ATG16L2: variants seen among roughly 807,000 people sequenced by gnomAD.
ATG16L2 encodes the protein autophagy related 16 like 2, also known as protein Atg16l2.
ATG16L2 carries 77 observed loss-of-function variants against 84.7 expected under a neutral mutation model. The observed-to-expected ratio is 0.91, with a 90% CI of 0.76 to 1.10. ATG16L2 has a LOEUF of 1.10. Among genes scored for constraint, ATG16L2 ranks in the 50% least tolerant of loss-of-function variants. The pLI, the probability that ATG16L2 is intolerant of heterozygous loss-of-function variation, is 0.00. For missense variants in ATG16L2, 782 were observed against 817.6 expected (o/e 0.96, Z 0.53); for synonymous variants, 361 against 342.8 (o/e 1.05, Z -0.59).
intron 3 of ATG16L2, 29 bp from the exon 4 acceptor site, chr11:72,821,639 C>G: frequency 6.6e-7 from 1 of 1,524,082 alleles, no homozygotes; most frequent in Non-Finnish European, 8.8e-7. Flanking sequence ...GGGGCCTCAG[C>G]GCCGCCGTGC....
At chr11:72,840,870 G>A in intron 5 of ATG16L2, 1 of 1,585,988 alleles carries the variant, frequency 6.3e-7, no homozygotes, top group South Asian at 1.1e-5. Flanking sequence ...CAAGATCAGA[G>A]ACTTACAGGT....
Position 72,824,747 on chromosome 11 carries a change from A to G in ATG16L2, c.901A>G (p.Arg301Gly). 1 of 1,613,844 alleles carries G rather than the reference A, an allele frequency of 6.2e-7. No individual in the cohort carries two copies. Among genetic ancestry groups the G allele is most frequent in the Non-Finnish European group, 8.5e-7 (1 of 1,179,856 alleles). Residue 301 changes from arginine to glycine, a missense_variant, in exon 9 of 18, where the codon AGA becomes GGA. Arg to Gly is a moderately radical substitution (Grantham distance 125). Transcript: ENST00000321297. ...ACCTTACCCCAGTTTTAAGAAGAGG[A>G]GAGGTCACTCAATTGGGGGAGCCCC... is the stretch of plus-strand genomic sequence containing the variant. ...VKGLLDFKKR[R>G]GHSIGGAPEQ...
chr11:72,842,545 T>C, intron 5 of ATG16L2: 2 of 1,575,286 alleles, frequency 1.3e-6, no homozygotes, highest in Non-Finnish European at 1.7e-6. Context: ...AGCCCACTTT[T>C]GTGTGGATCC....
intron 2 of ATG16L2, among the ~76,000 whole-genome samples, chr11:72,817,082 G>A (rs1436994409): frequency 3.3e-5 from 5 of 151,996 alleles, no homozygotes; most frequent in Admixed American, 6.6e-5. Context: ...TCTCCTTCCC[G>A]TCCCACCCCT....
chr11:72,828,648 A>C, intron 15 of ATG16L2, 81 bp from the exon 16 acceptor site: 1 of 1,598,906 alleles, frequency 6.3e-7, no homozygotes, highest in South Asian at 1.1e-5. Context: ...CCCTCGACAA[A>C]GAGGAAGCTC....
intron 15 of ATG16L2, 107 bp downstream of exon 15, chr11:72,828,615 C>G: frequency 6.3e-7 from 1 of 1,588,542 alleles, no homozygotes; most frequent in South Asian, 1.1e-5. Context: ...CCCTCCAGAC[C>G]AGGTCCTGCT....
exon 6 of ATG16L2, chr11:72,843,269 G>C (rs371674049): frequency 5.6e-6 from 9 of 1,613,898 alleles, no homozygotes; most frequent in Non-Finnish European, 7.6e-6. Flanking sequence ...GGCTGTTCGA[G>C]GTGGGAAACT....
At position 72,829,568 on chromosome 11, in the gene ATG16L2, T is replaced by C; in HGVS notation, c.*178T>C. The C allele has an allele frequency of 1.5e-6, 2 of 1,363,446 alleles. No homozygotes were observed. The highest frequency in any genetic ancestry group is 1.9e-6 in the Non-Finnish European group (2 of 1,060,522). 84.5% of individuals were successfully genotyped at this position (1,363,446 alleles called of 1,614,324 possible). ...AGTATGGGTTGGGGGATTACGCTAG[T>C]TTTTCTTTGTATTTTTATCTCTATC... On this transcript the variant is annotated 3_prime_UTR_variant, in exon 18 of 18. Coordinates refer to ENST00000321297, the MANE Select transcript of ATG16L2 (RefSeq NM_033388.2).
intron 15 of ATG16L2, 37 bp downstream of exon 15, chr11:72,828,545 C>T (rs889564574): frequency 6.2e-7 from 1 of 1,612,770 alleles, no homozygotes; most frequent in African/African-American, 1.3e-5. Context: ...GTGGCCTTTG[C>T]TGGGACAGCT....
exon 6 of ATG16L2, chr11:72,842,925 T>C: frequency 9.5e-7 from 1 of 1,054,638 alleles, no homozygotes; most frequent in Admixed American, 2.3e-5. Flanking sequence ...ACATGACAAC[T>C]AAAAGAGCAT....
At chr11:72,841,140 C>T (rs1860917440) in intron 5 of ATG16L2, among the ~76,000 whole-genome samples, 1 of 152,014 alleles carries the variant, frequency 6.6e-6, no homozygotes, top group Non-Finnish European at 1.5e-5. Flanking sequence ...TGCACTCCAG[C>T]CTGGGTGACA....
At position 72,816,735 on chromosome 11, in the gene ATG16L2, T is replaced by C. The variant is rs775191907; in HGVS notation, c.126T>C (p.His42=). 6.2e-7 allele frequency: 1 copy of C among 1,613,986 alleles called. No homozygotes were observed. The highest frequency in any genetic ancestry group is 1.1e-5 in the South Asian group (1 of 91,080). The change falls in exon 2 of 18, where the codon CAT becomes CAC. Residue 42 remains histidine, a synonymous_variant. Transcript: ENST00000321297. The stretch of plus-strand genomic sequence containing the variant: ...CTCTCTTGCACTCTCCAGATAACCA[T>C]CTCTTAGAGAAGGCTGAGCTGCTGG... ...LFLELVPAYN[H]LLEKAELLDK...
chr11:72,841,470 C>T (rs758309188), intron 5 of ATG16L2: 3 of 1,610,216 alleles, frequency 1.9e-6, no homozygotes, highest in Admixed American at 3.4e-5. Context: ...CTGAAGGAGA[C>T]CGGGGAAAGT....
chr11:72,839,831 A>G (rs2135146306), intron 5 of ATG16L2, among the ~76,000 whole-genome samples: 2 of 152,336 alleles, frequency 1.3e-5, no homozygotes, highest in Non-Finnish European at 2.9e-5. Flanking sequence ...AATGGTTATC[A>G]TAGCTGTGGA....
chr11:72,823,005 AC>A, intron 7 of ATG16L2, 44 bp downstream of exon 7: 1 of 1,394,420 alleles, frequency 7.2e-7, no homozygotes, highest in Non-Finnish European at 9.8e-7. Flanking sequence ...GCTGAGCCCC[AC>A]CCCAGAGGCT....
rs781159430 is a variant in ATG16L2 at position 72,828,789 on chromosome 11, G to A, written c.1670+13G>A. ...AAGCTGTGTTCAGGTATGTCCGTGA[G>A]AGCATATGCCTGTGTCCAAGTGTGC... On this transcript the variant is annotated intron_variant, in intron 16 of 17. Transcript: ENST00000321297. 6.2e-6 allele frequency: 10 copies of A among 1,614,066 alleles called. No individual in the cohort carries two copies. The highest frequency in any genetic ancestry group is 8.5e-6 in the Non-Finnish European group (10 of 1,180,044).
chr11:72,840,688 A>T (rs995037556), intron 5 of ATG16L2, among the ~76,000 whole-genome samples: 1 of 152,204 alleles, frequency 6.6e-6, no homozygotes, highest in Non-Finnish European at 1.5e-5. Flanking sequence ...TCCAGTGTAG[A>T]TTAAATGTCC....
At chr11:72,824,263 G>GA in intron 8 of ATG16L2, 141 bp downstream of exon 8, 1 of 1,014,798 alleles carries the variant, frequency 9.9e-7, no homozygotes, top group Non-Finnish European at 1.5e-6. Flanking sequence ...CTTGGAGACA[G>GA]GAGCCAGGTG....
At chr11:72,821,156 GC>G in intron 3 of ATG16L2, 1 of 940,126 alleles carries the variant, frequency 1.1e-6, no homozygotes, top group East Asian at 1.2e-4. Flanking sequence ...GTGACTTTGG[GC>G]AAGACACTTA....
Sources: gnomAD v4.1 joint callset for allele counts (sites outside exome capture counted in the v4.1 genomes callset) on GRCh38, gnomAD v4.1.1 for gene constraint, MANE v1.5 for transcripts, NCBI Gene and HGNC (gene_info 2026-07-23, HGNC 2026-07-21) for gene names.